The following DTNB variants were observed in gnomAD, a reference collection of about 807,000 sequenced individuals.
DTNB encodes dystrobrevin beta.
A neutral mutation model predicts 90.7 loss-of-function variants in DTNB; 63 were observed. That is an observed-to-expected ratio of 0.69 (90% CI 0.57 to 0.86). The LOEUF is 0.86. Ranked by LOEUF, DTNB falls within the 40% of genes least tolerant of loss-of-function variation. DTNB has a pLI of 0.00. For synonymous variants in DTNB, 277 were observed against 286.7 expected, an observed-to-expected ratio of 0.97 and a Z score of 0.34; for missense variants, 744 against 807.1, an observed-to-expected ratio of 0.92 and a Z score of 0.95.
rs541501081 is a variant in DTNB at position 25,530,828 on chromosome 2, T to C, written c.1001+645A>G. Among the ~76,000 whole-genome samples the C allele has an allele frequency of 3.3e-5, 5 of 152,294 alleles. No homozygotes were observed. The South Asian group carries it at 8.3e-4, about 25-fold the overall frequency. On this transcript the variant is annotated intron_variant, in intron 9 of 20. Transcript: ENST00000406818. Reference sequence around the variant, plus strand: ...ACCAAATTTATTCATCAGGGAAGCATAGTATCATCATTTAATTCAGAGTGA... The same window carrying C: ...ACCAAATTTATTCATCAGGGAAGCACAGTATCATCATTTAATTCAGAGTGA...
At chr2:25,596,887 A>C (rs2064777627) in intron 5 of DTNB, among the ~76,000 whole-genome samples, 2 of 152,214 alleles carry the variant, frequency 1.3e-5, no homozygotes, top group Admixed American at 1.3e-4. Context: ...GATGAGAAAG[A>C]ATCTTCCAGT....
rs114751434 is a variant in DTNB at position 25,468,446 on chromosome 2, T to A, written c.1080-12952A>T. The stretch of plus-strand genomic sequence containing the variant: ...GAACAGTGGCCACATGGATTTCAGC[T>A]GCTCCTCCACTGGGTCTGAGTTTGA... On this transcript the variant is annotated intron_variant, in intron 10 of 20. Coordinates refer to ENST00000406818, the MANE Select transcript of DTNB (RefSeq NM_021907.5). Among the ~76,000 whole-genome samples the A allele has an allele frequency of 5.4e-3, 819 of 152,300 alleles. 9 individuals carry two copies. Among genetic ancestry groups the A allele is most frequent in the African/African-American group, 0.019 (789 of 41,566 alleles).
chr2:25,633,821 G>A (rs1429833143), intron 3 of DTNB, among the ~76,000 whole-genome samples: 25 of 149,028 alleles, frequency 1.7e-4, no homozygotes, highest in African/African-American at 5.0e-4. Flanking sequence ...CCTCTGCCCC[G>A]CCACCCCGTC....
intron 10 of DTNB, among the ~76,000 whole-genome samples, chr2:25,476,578 C>A (rs1235596928): frequency 6.6e-6 from 1 of 152,026 alleles, no homozygotes; most frequent in South Asian, 2.1e-4. Flanking sequence ...GAAATTGATT[C>A]CAACCCTCAT....
intron 8 of DTNB, among the ~76,000 whole-genome samples, chr2:25,540,273 A>C (rs2080895111): frequency 6.6e-6 from 1 of 152,340 alleles, no homozygotes; most frequent in East Asian, 1.9e-4. Flanking sequence ...ATTCCTTTCC[A>C]TAACTGCGTT....
chr2:25,527,470 C>G (rs1037131734), intron 9 of DTNB, among the ~76,000 whole-genome samples: 1 of 151,742 alleles, frequency 6.6e-6, no homozygotes, highest in African/African-American at 2.4e-5. Context: ...TTGCAGTGAG[C>G]TGAGATTGCC....
intron 3 of DTNB, among the ~76,000 whole-genome samples, chr2:25,638,247 T>C (rs969962506): frequency 1.4e-4 from 22 of 152,134 alleles, no homozygotes; most frequent in African/African-American, 5.3e-4. Flanking sequence ...TTAGGAGATA[T>C]ACCTAATGTA....
chr2:25,469,410 C>G (rs997299291), intron 10 of DTNB, among the ~76,000 whole-genome samples: 5 of 152,090 alleles, frequency 3.3e-5, no homozygotes, highest in Non-Finnish European at 7.4e-5. Context: ...GGCTGGGCAC[C>G]ATGAAGGGTT....
chr2:25,663,533 T>C (rs2083704990), intron 1 of DTNB, among the ~76,000 whole-genome samples: 1 of 152,250 alleles, frequency 6.6e-6, no homozygotes, highest in African/African-American at 2.4e-5. Context: ...TTATGCTTTA[T>C]ATGTACTATT....
intron 9 of DTNB, among the ~76,000 whole-genome samples, chr2:25,507,943 T>C (rs904754479): frequency 6.6e-6 from 1 of 152,226 alleles, no homozygotes; most frequent in South Asian, 2.1e-4. Flanking sequence ...TGGCAAGGAA[T>C]GCTCTTCCTC....
chr2:25,657,210 T>C (rs2082233461), intron 1 of DTNB, among the ~76,000 whole-genome samples: 1 of 151,850 alleles, frequency 6.6e-6, no homozygotes, highest in South Asian at 2.1e-4. Context: ...AAACTGAAAG[T>C]TCCTAGAAAA....
At chr2:25,621,887 A>G (rs540637636) in intron 4 of DTNB, among the ~76,000 whole-genome samples, 1 of 152,200 alleles carries the variant, frequency 6.6e-6, no homozygotes, top group East Asian at 1.9e-4. Flanking sequence ...AATTAGCAAG[A>G]ATGTTTTCTA....
chr2:25,428,395 C>G (rs889080420), intron 14 of DTNB, among the ~76,000 whole-genome samples: 3 of 151,962 alleles, frequency 2.0e-5, no homozygotes, highest in Non-Finnish European at 1.5e-5. Flanking sequence ...CTCCTTACCT[C>G]AAGCATGAAA....
intron 12 of DTNB, among the ~76,000 whole-genome samples, chr2:25,434,824 A>C (rs2055162656): frequency 6.6e-6 from 1 of 152,212 alleles, no homozygotes; most frequent in African/African-American, 2.4e-5. Flanking sequence ...CAATTGCATT[A>C]ATAATAAATG....
At chr2:25,569,866 G>A (rs1399840730) in intron 8 of DTNB, among the ~76,000 whole-genome samples, 1 of 152,136 alleles carries the variant, frequency 6.6e-6, no homozygotes, top group African/African-American at 2.4e-5. Context: ...GAAGGCCGAG[G>A]CGGGCAGATC....
At position 25,597,422 on chromosome 2, in the gene DTNB, A is replaced by G. The variant is rs563826254; in HGVS notation, c.449-1182T>C. 2.6e-5 allele frequency among the ~76,000 whole-genome samples: 4 copies of G among 152,324 alleles called. No individual in the cohort carries two copies. In the East Asian group the frequency reaches 7.7e-4, roughly 29 times the overall value. On this transcript the variant is annotated intron_variant, in intron 5 of 20. Coordinates refer to ENST00000406818, the MANE Select transcript of DTNB (RefSeq NM_021907.5). ...AGAGATCTATACCTATTTAACAGAC[A>G]TATGTAATATACATACATGCATTAC...
chr2:25,532,761 C>T lies in DTNB; in HGVS notation c.877-1164G>A, dbSNP rs1300480713. Among the ~76,000 whole-genome samples, 3 of 152,166 alleles carry T rather than the reference C, an allele frequency of 2.0e-5. No individual in the cohort carries two copies. The South Asian group carries it at 6.2e-4, about 32-fold the overall frequency. ...AAGTTTAAATATTTCATTCTGCTGC[C>T]TCTGCAGTTTATTATCATATGTGCC... On this transcript the variant is annotated intron_variant, in intron 8 of 20. Transcript: ENST00000406818.
At chr2:25,501,133 A>C (rs1420151154) in intron 9 of DTNB, among the ~76,000 whole-genome samples, 3 of 152,222 alleles carry the variant, frequency 2.0e-5, no homozygotes, top group African/African-American at 7.2e-5. Context: ...GAGACAAAAA[A>C]CAAAACAAAA....
At chr2:25,556,048 T>C (rs1039715166) in intron 8 of DTNB, among the ~76,000 whole-genome samples, 5 of 151,752 alleles carry the variant, frequency 3.3e-5, no homozygotes, top group African/African-American at 4.8e-5. Flanking sequence ...TAAAATAAAA[T>C]AGATCTTTCC....
Sources: gnomAD v4.1 joint callset for allele counts (sites outside exome capture counted in the v4.1 genomes callset) on GRCh38, gnomAD v4.1.1 for gene constraint, MANE v1.5 for transcripts, NCBI Gene and HGNC (gene_info 2026-07-23, HGNC 2026-07-21) for gene names.